The following FRRS1 variants were observed in gnomAD, a reference collection of about 807,000 sequenced individuals.
FRRS1 encodes ferric chelate reductase 1.
In FRRS1, 51 loss-of-function variants were observed where a neutral mutation model predicts 70.7. The observed-to-expected ratio is 0.72, with a 90% CI of 0.58 to 0.91. The LOEUF is 0.91. Among genes scored for constraint, FRRS1 ranks in the 40% least tolerant of loss-of-function variants. FRRS1 has a pLI of 0.00. For missense variants in FRRS1, 672 were observed against 726.0 expected, an observed-to-expected ratio of 0.93 and a Z score of 0.86; for synonymous variants, 225 against 238.7, an observed-to-expected ratio of 0.94 and a Z score of 0.53.
chr1:99,711,558 A>G (rs1376980391), intron 14 of FRRS1: 1 of 153,216 alleles, frequency 6.5e-6, no homozygotes, highest in Non-Finnish European at 1.5e-5. Flanking sequence ...GGAGAAAAGT[A>G]TAGAAACCAC....
At chr1:99,718,413 C>T (rs2100914933) in intron 10 of FRRS1, among the ~76,000 whole-genome samples, 1 of 152,246 alleles carries the variant, frequency 6.6e-6, no homozygotes. Context: ...TCTGCAACCT[C>T]CACCTTCTGG....
chr1:99,749,452 C>T (rs1437400806), intron 1 of FRRS1, among the ~76,000 whole-genome samples: 1 of 152,216 alleles, frequency 6.6e-6, no homozygotes, highest in African/African-American at 2.4e-5. Flanking sequence ...TTTTACTCCA[C>T]GTCATCCTAG....
At chr1:99,745,062 C>T (rs901732695) in intron 4 of FRRS1, among the ~76,000 whole-genome samples, 1 of 148,964 alleles carries the variant, frequency 6.7e-6, no homozygotes, top group Non-Finnish European at 1.5e-5. Context: ...TTAATGCAGA[C>T]AGAAGTACCC....
At position 99,747,279 on chromosome 1, in the gene FRRS1, A is replaced by T; in HGVS notation, c.333+15T>A. The stretch of plus-strand genomic sequence containing the variant: ...TAACCTCCACATTGTTCAAGGATCA[A>T]CTCTAAACACAAACCTGTATATCTT... On this transcript the variant is annotated intron_variant, in intron 4 of 16. Coordinates refer to ENST00000646001, the MANE Select transcript of FRRS1 (RefSeq NM_001361041.2). 6.2e-7 allele frequency: 1 copy of T among 1,606,248 alleles called. No individual in the cohort carries two copies. Among genetic ancestry groups the T allele is most frequent in the East Asian group, 2.2e-5 (1 of 44,812 alleles).
chr1:99,763,311 C>T (rs1378791160), intron 1 of FRRS1, among the ~76,000 whole-genome samples: 1 of 151,740 alleles, frequency 6.6e-6, no homozygotes, highest in Non-Finnish European at 1.5e-5. Flanking sequence ...GGTTAAATTC[C>T]TGTCCATATA....
At chr1:99,722,053 A>G (rs1654860319) in intron 9 of FRRS1, among the ~76,000 whole-genome samples, 1 of 151,858 alleles carries the variant, frequency 6.6e-6, no homozygotes, top group African/African-American at 2.4e-5. Context: ...TCTGTTGTCC[A>G]GGCTGGAGTG....
chr1:99,743,952 C>T (rs1465897389), intron 4 of FRRS1, among the ~76,000 whole-genome samples: 1 of 151,680 alleles, frequency 6.6e-6, no homozygotes, highest in Non-Finnish European at 1.5e-5. Flanking sequence ...GCAGAGAAAA[C>T]TCATGACATT....
chr1:99,717,398 T>C lies in FRRS1; in HGVS notation c.1236+12A>G. 1.3e-6 allele frequency: 2 copies of C among 1,563,248 alleles called. No individual in the cohort carries two copies. The highest frequency in any genetic ancestry group is 8.8e-7 in the Non-Finnish European group (1 of 1,133,686). The stretch of plus-strand genomic sequence containing the variant: ...CTATGAATATTGCATTGAACTTTTT[T>C]CCCTCACCTACCTGAAACCAAGCTG... On this transcript the variant is annotated intron_variant, in intron 11 of 16. Transcript: ENST00000646001.
intron 9 of FRRS1, among the ~76,000 whole-genome samples, chr1:99,719,941 ATAAAT>A (rs1654732118): frequency 1.3e-5 from 2 of 152,196 alleles, no homozygotes; most frequent in Admixed American, 6.5e-5. Context: ...AAGTTAAATA[ATAAAT>A]TAAAATAAGT....
In FRRS1 at chr1:99,704,680, G is replaced by GT. The variant is rs1463980003; in HGVS notation, c.*4347_*4348insA. ...GCAGACACACAAGCAGCTGGACGTG[G>GT]AGAGGAACACATCGCAGAAGACACA... On this transcript the variant is annotated 3_prime_UTR_variant, in exon 17 of 17. Transcript: ENST00000646001. Among the ~76,000 whole-genome samples the GT allele has an allele frequency of 2.0e-5, 3 of 152,112 alleles. No homozygotes were observed. The highest frequency in any genetic ancestry group is 7.2e-5 in the African/African-American group (3 of 41,420).
intron 9 of FRRS1, among the ~76,000 whole-genome samples, chr1:99,720,976 A>G (rs1460912811): frequency 2.0e-5 from 3 of 152,288 alleles, no homozygotes; most frequent in African/African-American, 7.2e-5. Flanking sequence ...GTAGAACTTA[A>G]GCTAGTAACC....
chr1:99,729,760 T>C lies in FRRS1; in HGVS notation c.760-12A>G, dbSNP rs768322183. 13 of 1,560,808 alleles carry C rather than the reference T, an allele frequency of 8.3e-6. No individual in the cohort carries two copies. Among genetic ancestry groups the C allele is most frequent in the African/African-American group, 5.4e-5 (4 of 73,870 alleles). On this transcript the variant is annotated splice_polypyrimidine_tract_variant and intron_variant, in intron 7 of 16. Transcript: ENST00000646001. ...GCATCATCATCACCCTGAAAAACAA[T>C]TGCAAATGAGAAAAAAAGCTCAAAG... is the stretch of plus-strand genomic sequence containing the variant.
intron 7 of FRRS1, among the ~76,000 whole-genome samples, chr1:99,730,638 C>T (rs1049438547): frequency 2.6e-5 from 4 of 152,034 alleles, no homozygotes; most frequent in African/African-American, 7.3e-5. Flanking sequence ...GAGGCCAAGG[C>T]GGGCAGATCA....
chr1:99,726,578 A>G (rs1655087887), intron 9 of FRRS1, among the ~76,000 whole-genome samples: 1 of 152,252 alleles, frequency 6.6e-6, no homozygotes, highest in African/African-American at 2.4e-5. Flanking sequence ...TAAATGAGAT[A>G]CATGTAATAT....
rs1024975490 is a variant in FRRS1, at chr1:99,704,743, C to G, written c.*4285G>C. Among the ~76,000 whole-genome samples the G allele has an allele frequency of 3.3e-5, 5 of 152,076 alleles. No homozygotes were observed. Among genetic ancestry groups the G allele is most frequent in the African/African-American group, 1.2e-4 (5 of 41,404 alleles). On this transcript the variant is annotated 3_prime_UTR_variant, in exon 17 of 17. Transcript: ENST00000646001. ...GCGAGAGGATGTGGATGGGAGCACG[C>G]CAGAGGAAGAGCACACGACAGATCC...
chr1:99,757,965 A>G (rs1350639286), intron 1 of FRRS1, among the ~76,000 whole-genome samples: 2 of 150,506 alleles, frequency 1.3e-5, no homozygotes, highest in African/African-American at 4.8e-5. Context: ...AAAAAAAAAC[A>G]CAGAATCACA....
intron 3 of FRRS1, chr1:99,747,661 G>A: frequency 2.2e-6 from 1 of 449,200 alleles, no homozygotes; most frequent in Non-Finnish European, 4.0e-6. Context: ...AAAGAGAAAA[G>A]AAAAATAGGT....
At chr1:99,710,646 A>C (rs1434649834) in intron 15 of FRRS1, among the ~76,000 whole-genome samples, 160 bp downstream of exon 15, 4 of 152,258 alleles carry the variant, frequency 2.6e-5, no homozygotes, top group African/African-American at 7.2e-5. Context: ...ATGTAAAAAA[A>C]CAAAGGCAGA....
intron 4 of FRRS1, among the ~76,000 whole-genome samples, chr1:99,746,502 A>G (rs1332586236): frequency 2.0e-5 from 3 of 150,494 alleles, no homozygotes; most frequent in South Asian, 2.1e-4. Flanking sequence ...GTGAATATGG[A>G]AAAAAAAGGT....
Sources: allele counts gnomAD v4.1 joint callset (sites outside exome capture counted in the v4.1 genomes callset), GRCh38; gene constraint gnomAD v4.1.1; transcripts MANE v1.5; gene names NCBI Gene and HGNC (gene_info 2026-07-23, HGNC 2026-07-21).